TRHDE: variants seen among roughly 807,000 people sequenced by gnomAD.
TRHDE encodes thyrotropin-releasing hormone-degrading ectoenzyme.
TRHDE carries 72 observed loss-of-function variants against 125.7 expected under a neutral mutation model. The observed-to-expected ratio is 0.57, with a 90% confidence interval of 0.47 to 0.70. TRHDE has a LOEUF of 0.70. Ranked by LOEUF, TRHDE falls within the 30% of genes least tolerant of loss-of-function variation. The pLI is 0.00. For missense variants in TRHDE, 1,110 were observed against 1,327.1 expected, an observed-to-expected ratio of 0.84 and a Z score of 2.54; for synonymous variants, 509 against 509.1, an observed-to-expected ratio of 1.00 and a Z score of 0.00.
At chr12:72,143,480 G>A (rs958476962) in intron 2 of TRHDE, among the ~76,000 whole-genome samples, 4 of 151,978 alleles carry the variant, frequency 2.6e-5, no homozygotes, top group Admixed American at 2.6e-4. Context: ...GTATGATTAT[G>A]CTTAGATCTA....
At chr12:72,373,399 T>G (rs1871708412) in intron 2 of TRHDE, among the ~76,000 whole-genome samples, 1 of 152,152 alleles carries the variant, frequency 6.6e-6, no homozygotes, top group Non-Finnish European at 1.5e-5. Flanking sequence ...TCCTGCCTCA[T>G]TGCCCTGGCC....
At chr12:72,613,776 G>C (rs958371616) in intron 12 of TRHDE, among the ~76,000 whole-genome samples, 3 of 152,158 alleles carry the variant, frequency 2.0e-5, no homozygotes, top group Non-Finnish European at 4.4e-5. Flanking sequence ...GCAGAAGGAG[G>C]AGGGGCTGTC....
At chr12:72,628,832 T>C (rs952226485) in intron 15 of TRHDE, among the ~76,000 whole-genome samples, 2 of 151,902 alleles carry the variant, frequency 1.3e-5, no homozygotes, top group African/African-American at 4.8e-5. Context: ...TTAACTTAAA[T>C]AGTGGTTATA....
At chr12:72,318,837 G>A (rs561403732) in intron 2 of TRHDE, among the ~76,000 whole-genome samples, 1 of 152,158 alleles carries the variant, frequency 6.6e-6, no homozygotes, top group African/African-American at 2.4e-5. Context: ...CAATCAATAA[G>A]TGCTATTATT....
chr12:72,246,516 T>G (rs2139384118), intron 2 of TRHDE, among the ~76,000 whole-genome samples: 1 of 152,290 alleles, frequency 6.6e-6, no homozygotes. Context: ...CTTTTCTATT[T>G]TTGTCTTTAT....
At chr12:72,304,200 T>C (rs896711885) in intron 2 of TRHDE, among the ~76,000 whole-genome samples, 1 of 152,236 alleles carries the variant, frequency 6.6e-6, no homozygotes, top group Non-Finnish European at 1.5e-5. Context: ...TTTAGATTTA[T>C]ATATATAATA....
rs777795049 is a variant in TRHDE, at chr12:72,466,710, G to A, written c.1316-3048G>A. On this transcript the variant is annotated intron_variant, in intron 3 of 18. Transcript: ENST00000261180. ...CCTTAGGGCCTTTGCATTTGTTGTC[G>A]TCTCTTAGAATGCACTTCTGATTTC... Among the ~76,000 whole-genome samples, 24 of 151,798 alleles carry A rather than the reference G, an allele frequency of 1.6e-4. 1 individual carries two copies. In the Middle Eastern group the frequency reaches 0.01, roughly 65 times the overall value.
At chr12:72,393,718 C>T (rs1363885637) in intron 3 of TRHDE, among the ~76,000 whole-genome samples, 7 of 152,020 alleles carry the variant, frequency 4.6e-5, no homozygotes, top group Non-Finnish European at 7.4e-5. Flanking sequence ...TTATTCTGAT[C>T]GGTATAATGC....
chr12:72,102,268 G>T lies in TRHDE; in HGVS notation n.175-3380G>T, dbSNP rs80096135. On this transcript the variant is annotated intron_variant and non_coding_transcript_variant, in intron 1 of 4. Coordinates refer to the TRHDE transcript ENST00000548156. ...CAGGGCTTAGAGTAGGGCATTAGGA[G>T]GGTGACAGAGGGACATGCTTAAACC... is the stretch of plus-strand genomic sequence containing the variant. 1.2e-3 allele frequency among the ~76,000 whole-genome samples: 188 copies of T among 152,264 alleles called. 2 individuals carry two copies. Among genetic ancestry groups the T allele is most frequent in the Non-Finnish European group, 2.0e-3 (138 of 68,014 alleles).
chr12:72,631,715 G>A (rs1873503342), intron 15 of TRHDE, among the ~76,000 whole-genome samples: 3 of 151,758 alleles, frequency 2.0e-5, no homozygotes, highest in African/African-American at 4.8e-5. Flanking sequence ...ACATAAACAC[G>A]CACACAAGTA....
chr12:72,629,848 C>G (rs935313345), intron 15 of TRHDE, among the ~76,000 whole-genome samples: 11 of 151,292 alleles, frequency 7.3e-5, no homozygotes, highest in African/African-American at 2.7e-4. Context: ...TTTTTGTTTA[C>G]TTTTTCCCCT....
chr12:72,225,093 T>C (rs1036146099), intron 2 of TRHDE, among the ~76,000 whole-genome samples: 1 of 152,194 alleles, frequency 6.6e-6, no homozygotes, highest in African/African-American at 2.4e-5. Flanking sequence ...CACCTCTTCC[T>C]GGCAAATAAT....
intron 5 of TRHDE, among the ~76,000 whole-genome samples, chr12:72,497,089 TG>T (rs1203697523): frequency 2.0e-5 from 3 of 152,150 alleles, no homozygotes; most frequent in Admixed American, 6.6e-5. Flanking sequence ...TAAATATTGT[TG>T]TTTTTTTAAT....
intron 2 of TRHDE, among the ~76,000 whole-genome samples, chr12:72,162,090 C>T (rs1450664140): frequency 1.3e-5 from 2 of 152,196 alleles, no homozygotes; most frequent in East Asian, 3.8e-4. Context: ...GCAAGACATA[C>T]TGGCTTTGTT....
intron 2 of TRHDE, among the ~76,000 whole-genome samples, chr12:72,248,814 T>C (rs1471464125): frequency 1.3e-5 from 2 of 152,224 alleles, no homozygotes; most frequent in African/African-American, 4.8e-5. Flanking sequence ...TTAATGCTTT[T>C]GCCTTGGTAG....
chr12:72,624,707 A>G (rs1463970547), intron 15 of TRHDE, among the ~76,000 whole-genome samples: 1 of 151,940 alleles, frequency 6.6e-6, no homozygotes, highest in Non-Finnish European at 1.5e-5. Flanking sequence ...AAAATATTCA[A>G]ATGCTACAGT....
intron 2 of TRHDE, among the ~76,000 whole-genome samples, chr12:72,342,742 T>C (rs1444300561): frequency 6.6e-6 from 1 of 152,110 alleles, no homozygotes; most frequent in African/African-American, 2.4e-5. Context: ...ATTGATTTTC[T>C]TTCTTCACTA....
chr12:72,103,320 C>T (rs1875110242), intron 1 of TRHDE, among the ~76,000 whole-genome samples: 1 of 152,104 alleles, frequency 6.6e-6, no homozygotes, highest in South Asian at 2.1e-4. Context: ...ATTAAAATAT[C>T]ACTAAATAAT....
intron 15 of TRHDE, among the ~76,000 whole-genome samples, chr12:72,637,854 C>G (rs1255952063): frequency 6.6e-6 from 1 of 151,496 alleles, no homozygotes; most frequent in Non-Finnish European, 1.5e-5. Context: ...TTTGATTGCA[C>G]TGTGGTCTGA....
Sources: gnomAD v4.1 joint callset for allele counts (sites outside exome capture counted in the v4.1 genomes callset) on GRCh38, gnomAD v4.1.1 for gene constraint, MANE v1.5 for transcripts, NCBI Gene and HGNC (gene_info 2026-07-23, HGNC 2026-07-21) for gene names.